Variants in AGPAT4 observed in about 807,000 individuals in gnomAD.
AGPAT4 encodes 1-acyl-sn-glycerol-3-phosphate acyltransferase delta.
Under a neutral mutation model 48.0 loss-of-function variants are expected in AGPAT4, and 15 were observed. That is an observed-to-expected ratio of 0.31 (90% CI 0.21 to 0.48). The LOEUF is 0.48. Ranked by LOEUF, AGPAT4 falls within the 20% of genes least tolerant of loss-of-function variation. AGPAT4 has a pLI of 0.99. For missense variants in AGPAT4, 314 were observed against 482.5 expected (o/e 0.65, Z 3.27); for synonymous variants, 178 against 198.7 (o/e 0.90, Z 0.88).
intron 2 of AGPAT4, among the ~76,000 whole-genome samples, chr6:161,186,834 T>C (rs1156583631): frequency 6.6e-6 from 1 of 152,224 alleles, no homozygotes; most frequent in Non-Finnish European, 1.5e-5. Context: ...TTGCTCAAGC[T>C]GTTCTCTTGG....
Position 161,146,501 on chromosome 6 carries a change from C to A in AGPAT4, c.843+23G>T. ...CACCCACAGCTGCAACGTGAAGGGA[C>A]CCCTGGCACCCAGTGCACTGACCTT... On this transcript the variant is annotated intron_variant, in intron 7 of 8. Coordinates refer to ENST00000320285, the MANE Select transcript of AGPAT4 (RefSeq NM_020133.3). The surrounding 1 kb of genome is among the most constrained non-coding windows in gnomAD (Gnocchi z 7.1). The A allele has an allele frequency of 6.2e-7, 1 of 1,612,648 alleles. No individual in the cohort carries two copies. The highest frequency in any genetic ancestry group is 1.1e-5 in the South Asian group (1 of 91,030).
At position 161,221,905 on chromosome 6, in the gene AGPAT4, A is replaced by T. The variant is rs563302233; in HGVS notation, c.178+10131T>A. Reference sequence around the variant, plus strand: ...GGCATACCCTAATGGCCTCATCTTAACTTGATCATCTATGAAGACTCTATT... The same window carrying T: ...GGCATACCCTAATGGCCTCATCTTATCTTGATCATCTATGAAGACTCTATT... On this transcript the variant is annotated intron_variant, in intron 2 of 8. Coordinates refer to ENST00000320285, the MANE Select transcript of AGPAT4 (RefSeq NM_020133.3). This position sits in a 1 kb window ranked among gnomAD's most constrained non-coding sequence, Gnocchi z 4.5. Among the ~76,000 whole-genome samples, 8 of 152,348 alleles carry T rather than the reference A, an allele frequency of 5.3e-5. No individual in the cohort carries two copies. In the South Asian group the frequency reaches 1.7e-3, roughly 32 times the overall value.
At position 161,139,868 on chromosome 6, in the gene AGPAT4, G is replaced by A. The variant is rs1322649913; in HGVS notation, c.844-248C>T. On this transcript the variant is annotated intron_variant, in intron 7 of 8. Transcript: ENST00000320285. The surrounding 1 kb of genome is among the most constrained non-coding windows in gnomAD (Gnocchi z 9.1). ...CCGCTGCAGCTGTCACTGAGTGCAG[G>A]GCGTGGAGCATGAACCCTGGCGCCA... 6.6e-6 allele frequency among the ~76,000 whole-genome samples: 1 copy of A among 152,252 alleles called. No individual in the cohort carries two copies. Among genetic ancestry groups the A allele is most frequent in the Non-Finnish European group, 1.5e-5 (1 of 68,044 alleles).
At chr6:161,263,679 T>C (rs1783169836) in intron 1 of AGPAT4, among the ~76,000 whole-genome samples, 1 of 152,146 alleles carries the variant, frequency 6.6e-6, no homozygotes, top group African/African-American at 2.4e-5. Flanking sequence ...ACCCTATTAT[T>C]CCTCTAGAGA....
rs1199107062 is a variant in AGPAT4, at chr6:161,184,267, T to C, written c.179-17850A>G. Among the ~76,000 whole-genome samples the C allele has an allele frequency of 6.6e-6, 1 of 151,648 alleles. No homozygotes were observed. The highest frequency in any genetic ancestry group is 1.5e-5 in the Non-Finnish European group (1 of 67,902). ...TAGTGGAAATGGTGAGAAATGATCA[T>C]ATTTAGGATGATATATGCTACAGGC... On this transcript the variant is annotated intron_variant, in intron 2 of 8. Coordinates refer to ENST00000320285, the MANE Select transcript of AGPAT4 (RefSeq NM_020133.3). The surrounding 1 kb of genome is among the most constrained non-coding windows in gnomAD (Gnocchi z 4.8).
Position 161,244,505 on chromosome 6 carries a change from G to A in AGPAT4, c.-89-12203C>T, listed in dbSNP as rs138191738. Among the ~76,000 whole-genome samples, 57 of 152,182 alleles carry A rather than the reference G, an allele frequency of 3.7e-4. No individual in the cohort carries two copies. The highest frequency in any genetic ancestry group is 1.2e-3 in the African/African-American group (48 of 41,526). On this transcript the variant is annotated intron_variant, in intron 1 of 8. Coordinates refer to ENST00000320285, the MANE Select transcript of AGPAT4 (RefSeq NM_020133.3). The surrounding 1 kb of genome is among the most constrained non-coding windows in gnomAD (Gnocchi z 4.7). ...AGTATTTTCATGTTTAATAACCATT[G>A]GGGAAAGGGTTACAAGCGTAATCTT...
At chr6:161,194,718 T>C (rs1781024964) in intron 2 of AGPAT4, among the ~76,000 whole-genome samples, 1 of 152,178 alleles carries the variant, frequency 6.6e-6, no homozygotes, top group Non-Finnish European at 1.5e-5. Flanking sequence ...TATGTATGTG[T>C]ATGTGCATAT....
At position 161,267,854 on chromosome 6, in the gene AGPAT4, G is replaced by A. The variant is rs1275497793; in HGVS notation, c.-90+6084C>T. 1.3e-5 allele frequency among the ~76,000 whole-genome samples: 2 copies of A among 152,166 alleles called. No homozygotes were observed. The highest frequency in any genetic ancestry group is 3.9e-4 in the East Asian group (2 of 5,188). On this transcript the variant is annotated intron_variant, in intron 1 of 8. Transcript: ENST00000320285. The surrounding 1 kb of genome is among the most constrained non-coding windows in gnomAD (Gnocchi z 5.2). Reference sequence around the variant, plus strand: ...AAGGCCAGCTTGAGCAACAAAGTGAGACTGGCCTCTTAAAAGAAAGACCAG... The same window carrying A: ...AAGGCCAGCTTGAGCAACAAAGTGAAACTGGCCTCTTAAAAGAAAGACCAG...
At chr6:161,237,093 G>T (rs1782304864) in intron 1 of AGPAT4, among the ~76,000 whole-genome samples, 1 of 152,270 alleles carries the variant, frequency 6.6e-6, no homozygotes, top group Non-Finnish European at 1.5e-5. Flanking sequence ...TTTCCAGAAG[G>T]CCGCATCTGA....
rs12212023 is a variant in AGPAT4, at chr6:161,197,656, G to A, written c.179-31239C>T. 7.4e-3 allele frequency among the ~76,000 whole-genome samples: 1,129 copies of A among 152,248 alleles called. 7 individuals are homozygous for A. Among genetic ancestry groups the A allele is most frequent in the Non-Finnish European group, 0.013 (910 of 68,016 alleles). On this transcript the variant is annotated intron_variant, in intron 2 of 8. Coordinates refer to ENST00000320285, the MANE Select transcript of AGPAT4 (RefSeq NM_020133.3). The surrounding 1 kb of genome is among the most constrained non-coding windows in gnomAD (Gnocchi z 5.7). ...TCCCTGCTGTTCCTAACCTAGAGCC[G>A]TTGTCTTGCAGGAGCTCCTAGAAGG...
In AGPAT4 at chr6:161,130,975, G is replaced by C. The variant is rs1778883641; in HGVS notation, c.*5565C>G. The C allele has an allele frequency of 2.0e-6, 1 of 490,718 alleles. No individual in the cohort carries two copies. Among genetic ancestry groups the C allele is most frequent in the Non-Finnish European group, 4.1e-6 (1 of 242,708 alleles). The allele number at this position is 490,718 out of a possible 1,614,324, so 30.4% of individuals were successfully genotyped here. A position where few individuals can be genotyped will look rare whatever the true frequency, so the allele number is the denominator to read the frequency against. ...TGGCTAAAACTAGTACTATGGAATA[G>C]AAAAGGAAAAGTGACATTTGTGTAA... is the stretch of plus-strand genomic sequence containing the variant. On this transcript the variant is annotated 3_prime_UTR_variant, in exon 9 of 9. Coordinates refer to ENST00000320285, the MANE Select transcript of AGPAT4 (RefSeq NM_020133.3).
Position 161,139,439 on chromosome 6 carries a change from A to C in AGPAT4, c.1025T>G (p.Ile342Ser), listed in dbSNP as rs1779178481. 6.2e-7 allele frequency: 1 copy of C among 1,613,892 alleles called. No individual in the cohort carries two copies. Among genetic ancestry groups the C allele is most frequent in the African/African-American group, 1.3e-5 (1 of 74,916 alleles). ...SGSSLTLASFILVFFVASVGV... is the reference protein window; with the variant it reads ...SGSSLTLASFSLVFFVASVGV... The stretch of plus-strand genomic sequence containing the variant: ...CCACTCACCCACAAAGAAGACGAGG[A>C]TGAAGCTGGCCAGCGTCAGGGAAGA... The change falls in exon 8 of 9, where the codon ATC becomes AGC. Residue 342 changes from isoleucine (I) to serine (S), a missense_variant. Ile to Ser is a moderately radical substitution (Grantham distance 142). Transcript: ENST00000320285. This position sits in a 1 kb window ranked among gnomAD's most constrained non-coding sequence, Gnocchi z 9.1.
In AGPAT4 at chr6:161,147,781, G is replaced by T. The variant is rs73015443; in HGVS notation, c.768-1182C>A. 6.1e-3 allele frequency among the ~76,000 whole-genome samples: 933 copies of T among 152,292 alleles called. 6 individuals carry two copies. The highest frequency in any genetic ancestry group is 8.7e-3 in the Non-Finnish European group (591 of 68,032). ...AGTCTGCCTAATATTTCTTTATTTG[G>T]AGAGTAGGAATGTAGTGAGTTTTGC... On this transcript the variant is annotated intron_variant, in intron 6 of 8. Coordinates refer to ENST00000320285, the MANE Select transcript of AGPAT4 (RefSeq NM_020133.3). The surrounding 1 kb of genome is among the most constrained non-coding windows in gnomAD (Gnocchi z 4.8).
rs112264958 is a variant in AGPAT4, at chr6:161,254,377, C to A, written c.-90+19561G>T. ...TGATCCTCAGCTTCTTCCTGTCATT[C>A]ACATCAGCCTAACTGATAACACTAT... On this transcript the variant is annotated intron_variant, in intron 1 of 8. Transcript: ENST00000320285. The surrounding 1 kb of genome is among the most constrained non-coding windows in gnomAD (Gnocchi z 5.9). Among the ~76,000 whole-genome samples, 8 of 152,296 alleles carry A rather than the reference C, an allele frequency of 5.3e-5. No homozygotes were observed. The highest frequency in any genetic ancestry group is 1.4e-4 in the African/African-American group (6 of 41,554).
Position 161,246,107 on chromosome 6 carries a change from C to A in AGPAT4, c.-89-13805G>T, listed in dbSNP as rs1782639525. Among the ~76,000 whole-genome samples the A allele has an allele frequency of 6.6e-6, 1 of 152,156 alleles. No individual in the cohort carries two copies. Among genetic ancestry groups the A allele is most frequent in the South Asian group, 2.1e-4 (1 of 4,824 alleles). On this transcript the variant is annotated intron_variant, in intron 1 of 8. Coordinates refer to ENST00000320285, the MANE Select transcript of AGPAT4 (RefSeq NM_020133.3). The surrounding 1 kb of genome is among the most constrained non-coding windows in gnomAD (Gnocchi z 5.5). ...AGACTGGCTATTCCTCGAAAAGTTT[C>A]ATTAGCAGCAGCAGTGATCAAACAT... is the stretch of plus-strand genomic sequence containing the variant.
Position 161,264,001 on chromosome 6 carries a change from AG to A in AGPAT4, c.-90+9936del. Among the ~76,000 whole-genome samples the A allele has an allele frequency of 6.6e-6, 1 of 152,306 alleles. No individual in the cohort carries two copies. The highest frequency in any genetic ancestry group is 3.4e-3 in the Middle Eastern group (1 of 294). The stretch of plus-strand genomic sequence containing the variant: ...CTGTGCCTCAGTTTCAAATTAGATT[AG>A]AGAAAATAATTGGCAACCCACAGGG... On this transcript the variant is annotated intron_variant, in intron 1 of 8. Transcript: ENST00000320285. The surrounding 1 kb of genome is among the most constrained non-coding windows in gnomAD (Gnocchi z 6.8).
chr6:161,172,874 A>C (rs965308177), intron 2 of AGPAT4, among the ~76,000 whole-genome samples: 1 of 147,470 alleles, frequency 6.8e-6, no homozygotes, highest in Non-Finnish European at 1.5e-5. Flanking sequence ...ATTCCCACCT[A>C]TGAGTGAGAA....
chr6:161,223,331 C>CT lies in AGPAT4; in HGVS notation c.178+8704dup, dbSNP rs1367260640. ...CAGGTTTGATCCTAGCAGATGTTTG[C>CT]TTAACATCATCCTTGGGTGTTAAAA... On this transcript the variant is annotated intron_variant, in intron 2 of 8. Coordinates refer to ENST00000320285, the MANE Select transcript of AGPAT4 (RefSeq NM_020133.3). This position sits in a 1 kb window ranked among gnomAD's most constrained non-coding sequence, Gnocchi z 6.3. 6.6e-6 allele frequency among the ~76,000 whole-genome samples: 1 copy of CT among 152,198 alleles called. No individual in the cohort carries two copies. The highest frequency in any genetic ancestry group is 2.4e-5 in the African/African-American group (1 of 41,448).
chr6:161,230,572 G>A (rs1464238119), intron 2 of AGPAT4, among the ~76,000 whole-genome samples: 1 of 152,140 alleles, frequency 6.6e-6, no homozygotes, highest in African/African-American at 2.4e-5. Flanking sequence ...TACAGTTCCT[G>A]TCCAAATCAT....
Sources: allele counts gnomAD v4.1 joint callset (sites outside exome capture counted in the v4.1 genomes callset), GRCh38; gene constraint gnomAD v4.1.1; non-coding constraint Gnocchi (gnomAD v3.1); transcripts MANE v1.5; gene names NCBI Gene and HGNC (gene_info 2026-07-23, HGNC 2026-07-21).